CFAP100: variants seen among roughly 807,000 people sequenced by gnomAD.
The protein encoded by CFAP100 is cilia- and flagella-associated protein 100.
In CFAP100, 70 loss-of-function variants were observed where a neutral mutation model predicts 81.5. That is an observed-to-expected ratio of 0.86 (90% CI 0.71 to 1.05). The LOEUF is 1.05. Among genes scored for constraint, CFAP100 ranks in the 50% least tolerant of loss-of-function variants. The pLI, the probability that CFAP100 is intolerant of heterozygous loss-of-function variation, is 0.00. For missense variants in CFAP100, 811 were observed against 776.5 expected, an observed-to-expected ratio of 1.04 and a Z score of -0.53; for synonymous variants, 341 against 314.8, an observed-to-expected ratio of 1.08 and a Z score of -0.88.
At chr3:126,429,543 G>A (rs545259040) in intron 13 of CFAP100, among the ~76,000 whole-genome samples, 27 of 150,436 alleles carry the variant, frequency 1.8e-4, no homozygotes, top group African/African-American at 6.3e-4. Context: ...GCTTTCTTTT[G>A]GGTTTGATGT....
At chr3:126,403,801 A>G (rs1368348120) in intron 2 of CFAP100, among the ~76,000 whole-genome samples, 1 of 152,252 alleles carries the variant, frequency 6.6e-6, no homozygotes, top group African/African-American at 2.4e-5. Flanking sequence ...AAAAAATTAA[A>G]TCATGTTAAA....
At chr3:126,407,987 G>A (rs748928781) in intron 3 of CFAP100, among the ~76,000 whole-genome samples, 1 of 152,144 alleles carries the variant, frequency 6.6e-6, no homozygotes, top group Non-Finnish European at 1.5e-5. Context: ...CTGCAGATGT[G>A]AGCATTTCTC....
At chr3:126,399,857 G>A (rs1207833400) in intron 2 of CFAP100, among the ~76,000 whole-genome samples, 1 of 152,170 alleles carries the variant, frequency 6.6e-6, no homozygotes, top group African/African-American at 2.4e-5. Flanking sequence ...CAGGCAGCAA[G>A]GAGAAGGTGG....
At position 126,435,617 on chromosome 3, in the gene CFAP100, G is replaced by A. The variant is rs1933415128; in HGVS notation, c.1687G>A (p.Ala563Thr). 1 of 1,612,552 alleles carries A rather than the reference G, an allele frequency of 6.2e-7. No homozygotes were observed. The change falls in exon 16 of 17, where the codon GCC (alanine) becomes ACC (threonine). Residue 563 changes from alanine (A) to threonine (T), a missense_variant. Coordinates refer to ENST00000352312, the MANE Select transcript of CFAP100 (RefSeq NM_182628.3). Reference sequence around the variant, plus strand: ...CCTACAGGAGGAGCATCTGCAGCGGGCCCGGGCGCGCGCCCAGGCTGAGAT... The same window carrying A: ...CCTACAGGAGGAGCATCTGCAGCGGACCCGGGCGCGCGCCCAGGCTGAGAT... ...KILQEEHLQR[A>T]RARAQAEIKK...
chr3:126,429,952 A>AT (rs944207923), intron 13 of CFAP100, among the ~76,000 whole-genome samples: 21 of 151,860 alleles, frequency 1.4e-4, no homozygotes, highest in Admixed American at 5.9e-4. Flanking sequence ...CTTTTTAGCC[A>AT]TTTTTTTCTT....
At chr3:126,419,299 T>C (rs760276964) in intron 8 of CFAP100, 143 bp downstream of exon 8, 4 of 630,340 alleles carry the variant, frequency 6.3e-6, no homozygotes, top group Non-Finnish European at 5.6e-6. Context: ...CTGTTGCCCA[T>C]TTATAGACGA....
chr3:126,424,544 A>T (rs1160301312), intron 13 of CFAP100, among the ~76,000 whole-genome samples: 1 of 152,226 alleles, frequency 6.6e-6, no homozygotes, highest in Non-Finnish European at 1.5e-5. Context: ...GGGCAGGGTC[A>T]GCCTGAGGCA....
At chr3:126,397,010 CT>C (rs1330186308) in intron 2 of CFAP100, among the ~76,000 whole-genome samples, 6 of 152,244 alleles carry the variant, frequency 3.9e-5, no homozygotes, top group Non-Finnish European at 8.8e-5. Flanking sequence ...CCACTGTCCC[CT>C]GTCTCTTCTA....
chr3:126,433,825 T>TA, intron 14 of CFAP100: 1 of 234,992 alleles, frequency 4.3e-6, no homozygotes, highest in South Asian at 7.3e-5. Context: ...GAGGGGCTGT[T>TA]ATCTGTTTTC....
intron 3 of CFAP100, 135 bp downstream of exon 3, chr3:126,407,387 G>A: frequency 1.8e-6 from 1 of 566,574 alleles, no homozygotes; most frequent in Non-Finnish European, 3.2e-6. Context: ...TAGGAATTGG[G>A]TTGACTTGAA....
intron 13 of CFAP100, among the ~76,000 whole-genome samples, chr3:126,429,053 G>A (rs1374428653): frequency 7.0e-6 from 1 of 143,810 alleles, no homozygotes; most frequent in Non-Finnish European, 1.5e-5. Context: ...AGGCTGCAGT[G>A]AGCCAAGATT....
rs114919219 is a variant in CFAP100, at chr3:126,433,925, C to T, written c.1423-251C>T. The T allele has an allele frequency of 5.1e-3, 2,587 of 503,848 alleles. 47 individuals carry two copies. Among genetic ancestry groups the T allele is most frequent in the African/African-American group, 0.046 (2,393 of 51,900 alleles). 31.2% of individuals were successfully genotyped at this position (503,848 alleles called of 1,614,324 possible). A position where few individuals can be genotyped will look rare whatever the true frequency, so the allele number is the denominator to read the frequency against. On this transcript the variant is annotated intron_variant, in intron 14 of 16. Transcript: ENST00000352312. ...GGAGGAGGGGACTGGGCCCCGTTGGCTCACCAGAGGCAGCTGGGAGAGGGG... is the reference window on the plus strand; with the variant it reads ...GGAGGAGGGGACTGGGCCCCGTTGGTTCACCAGAGGCAGCTGGGAGAGGGG...
chr3:126,433,385 G>C, intron 14 of CFAP100, 181 bp downstream of exon 14: 2 of 663,128 alleles, frequency 3.0e-6, no homozygotes, highest in Non-Finnish European at 2.6e-6. Context: ...GTGCCAGCCA[G>C]CTTGGTTGCC....
At chr3:126,427,194 A>G (rs906507542) in intron 13 of CFAP100, among the ~76,000 whole-genome samples, 1 of 152,246 alleles carries the variant, frequency 6.6e-6, no homozygotes, top group African/African-American at 2.4e-5. Context: ...AGAATAGCCA[A>G]CACAGCACTG....
intron 13 of CFAP100, among the ~76,000 whole-genome samples, chr3:126,430,705 T>C (rs1400709600): frequency 6.6e-6 from 1 of 151,908 alleles, no homozygotes; most frequent in Non-Finnish European, 1.5e-5. Flanking sequence ...TCTAGTCTGC[T>C]GTTACAGCTC....
At chr3:126,420,283 T>A in intron 11 of CFAP100, 54 bp downstream of exon 11, 23 of 1,602,160 alleles carry the variant, frequency 1.4e-5, no homozygotes, top group Non-Finnish European at 2.0e-5. Flanking sequence ...GAGCCCTCCC[T>A]TGTGGCACCC....
rs1027428942 is a variant in CFAP100 at position 126,396,189 on chromosome 3, C to T, written c.49+140C>T. 3.3e-5 allele frequency: 22 copies of T among 668,626 alleles called. No homozygotes were observed. In the African/African-American group the frequency reaches 3.6e-4, roughly 11 times the overall value. The allele number at this position is 668,626 out of a possible 1,614,324, so 41.4% of individuals were successfully genotyped here. On this transcript the variant is annotated intron_variant, in intron 2 of 16. Transcript: ENST00000352312. Reference sequence around the variant, plus strand: ...TCTGCCTACTTCCCTTGAAACAAGGCATATGGATTGCCTGCAGCTGCTGTA... The same window carrying T: ...TCTGCCTACTTCCCTTGAAACAAGGTATATGGATTGCCTGCAGCTGCTGTA...
At chr3:126,417,881 C>T (rs577412006) in intron 5 of CFAP100, among the ~76,000 whole-genome samples, 175 of 152,370 alleles carry the variant, frequency 1.1e-3, no homozygotes, top group South Asian at 9.3e-3. Context: ...ACAACTTCCA[C>T]GCCAGGAAGG....
In CFAP100 at chr3:126,403,210, G is replaced by A. The variant is rs140939416; in HGVS notation, c.50-3962G>A. 9.3e-3 allele frequency among the ~76,000 whole-genome samples: 1,416 copies of A among 152,144 alleles called. 16 individuals carry two copies. Among genetic ancestry groups the A allele is most frequent in the East Asian group, 0.037 (191 of 5,170 alleles). On this transcript the variant is annotated intron_variant, in intron 2 of 16. Coordinates refer to ENST00000352312, the MANE Select transcript of CFAP100 (RefSeq NM_182628.3). Reference sequence around the variant, plus strand: ...AGAGGTCAGGAGAGTAGGCGGAAACGTGAGGGCATCAGCAAATCCGCTGGG... The same window carrying A: ...AGAGGTCAGGAGAGTAGGCGGAAACATGAGGGCATCAGCAAATCCGCTGGG...
Sources: gnomAD v4.1 joint callset for allele counts (sites outside exome capture counted in the v4.1 genomes callset) on GRCh38, gnomAD v4.1.1 for gene constraint, MANE v1.5 for transcripts, NCBI Gene and HGNC (gene_info 2026-07-23, HGNC 2026-07-21) for gene names.